The following TICRR variants were observed in gnomAD, a reference collection of about 807,000 sequenced individuals.
The protein encoded by TICRR is TOPBP1 interacting checkpoint and replication regulator.
In TICRR, 132 loss-of-function variants were observed where a neutral mutation model predicts 178.1. The observed-to-expected ratio is 0.74, with a 90% CI of 0.64 to 0.86. The LOEUF (loss-of-function observed/expected upper bound fraction) is 0.86. Ranked by LOEUF, TICRR falls within the 40% of genes least tolerant of loss-of-function variation. The probability of loss-of-function intolerance (pLI) is 0.00; values close to 1 mark genes in which losing one functional copy is unlikely to be tolerated. For missense variants in TICRR, 2,587 were observed against 2,334.3 expected, an observed-to-expected ratio of 1.11 and a Z score of -2.23; for synonymous variants, 991 against 900.7, an observed-to-expected ratio of 1.10 and a Z score of -1.79.
Position 89,601,380 on chromosome 15 carries a change from G to A in TICRR, c.2236G>A (p.Val746Ile). ...INESTDDMEQ[V>I]VEEVTDLLRM... is the part of the protein sequence containing the mutation. ...TGAAAGTACAGATGATATGGAACAA[G>A]TAGTGGAGGAGGCAAGTATATAGTT... Residue 746 changes from valine to isoleucine, a missense_variant, in exon 10 of 22, where the codon GTA becomes ATA. Transcript: ENST00000268138. 1 of 1,614,164 alleles carries A rather than the reference G, an allele frequency of 6.2e-7. No individual in the cohort carries two copies. Among genetic ancestry groups the A allele is most frequent in the Non-Finnish European group, 8.5e-7 (1 of 1,180,000 alleles).
Position 89,627,435 on chromosome 15 carries a change from C to T in TICRR, c.*349C>T, listed in dbSNP as rs561268865. 2.9e-4 allele frequency: 76 copies of T among 258,228 alleles called. No homozygotes were observed. Among genetic ancestry groups the T allele is most frequent in the Admixed American group, 1.1e-3 (22 of 20,210 alleles). 16.0% of individuals were successfully genotyped at this position (258,228 alleles called of 1,614,324 possible). On this transcript the variant is annotated 3_prime_UTR_variant, in exon 22 of 22. Transcript: ENST00000268138. ...CCTCATTTATGCAAATGGAGAAAGG[C>T]GCCCTCCCTGGGGTCCCTTGAGCTG...
At chr15:89,614,214 T>C (rs531416232) in intron 15 of TICRR, among the ~76,000 whole-genome samples, 2 of 152,302 alleles carry the variant, frequency 1.3e-5, no homozygotes, top group East Asian at 3.9e-4. Flanking sequence ...TGTCTGGACT[T>C]TCTCAGGGAC....
In TICRR at chr15:89,575,927, A is replaced by T; in HGVS notation, c.341A>T (p.Asp114Val). The T allele has an allele frequency of 6.3e-7, 1 of 1,594,486 alleles. No individual in the cohort carries two copies. Among genetic ancestry groups the T allele is most frequent in the Non-Finnish European group, 8.5e-7 (1 of 1,172,526 alleles). The stretch of plus-strand genomic sequence containing the variant: ...GAGACGCTGCTAGACTACCAGTGGG[A>T]CCGGCCCGAGATCACGTCGCCCACG... ...LMETLLDYQWDRPEITSPTKP... is the reference protein window; with the variant it reads ...LMETLLDYQWVRPEITSPTKP... Residue 114 changes from aspartate to valine, a missense_variant, in exon 1 of 22, where the codon GAC becomes GTC. By Grantham distance (152) the Asp-to-Val change is radical. Transcript: ENST00000268138.
intron 15 of TICRR, among the ~76,000 whole-genome samples, chr15:89,613,774 C>G (rs1199398315): frequency 1.2e-5 from 1 of 80,766 alleles, no homozygotes. Flanking sequence ...TTGATATTCT[C>G]TGTTTGGCAA....
chr15:89,624,692 C>T lies in TICRR; in HGVS notation c.4382C>T (p.Thr1461Ile). The T allele has an allele frequency of 3.1e-6, 5 of 1,614,138 alleles. No individual in the cohort carries two copies. Among genetic ancestry groups the T allele is most frequent in the Non-Finnish European group, 4.2e-6 (5 of 1,180,034 alleles). ...TCTCCTCTGCTCATTACAAGTGACACAGAGCATGTCACTCTCCTCAGTGAA... is the reference window on the plus strand; with the variant it reads ...TCTCCTCTGCTCATTACAAGTGACATAGAGCATGTCACTCTCCTCAGTGAA... The part of the protein sequence containing the change: ...ASSPLLITSD[T>I]EHVTLLSEAE... Residue 1461 changes from threonine (T) to isoleucine (I), a missense_variant, in exon 20 of 22, where the codon ACA becomes ATA. Coordinates refer to ENST00000268138, the MANE Select transcript of TICRR (RefSeq NM_152259.4).
rs1457498752 is a variant in TICRR at position 89,625,731 on chromosome 15, A to C, written c.5421A>C (p.Pro1807=). Residue 1807 remains proline, a synonymous_variant, in exon 20 of 22, where the codon CCA becomes CCC. Transcript: ENST00000268138. Reference sequence around the variant, plus strand: ...TTAGTAAGAGTAAAGAGGGGTCTCCAAGTTGGAGTGCATGGCAGCTACCCT... The same window carrying C: ...TTAGTAAGAGTAAAGAGGGGTCTCCCAGTTGGAGTGCATGGCAGCTACCCT... The part of the protein sequence containing the change: ...SEVSKSKEGS[P]SWSAWQLPST... The C allele has an allele frequency of 5.6e-6, 9 of 1,613,090 alleles. No individual in the cohort carries two copies. The African/African-American group carries it at 9.3e-5, about 17-fold the overall frequency.
At chr15:89,614,228 T>A (rs1963299871) in intron 15 of TICRR, among the ~76,000 whole-genome samples, 1 of 152,164 alleles carries the variant, frequency 6.6e-6, no homozygotes, top group Admixed American at 6.5e-5. Context: ...CAGGGACAGA[T>A]TCTGTTGGCT....
chr15:89,578,231 T>C (rs936043164), intron 1 of TICRR, among the ~76,000 whole-genome samples: 4 of 152,176 alleles, frequency 2.6e-5, no homozygotes, highest in Non-Finnish European at 4.4e-5. Context: ...TGGAAATACA[T>C]GTCACTAACC....
intron 1 of TICRR, among the ~76,000 whole-genome samples, chr15:89,580,885 A>G (rs1054709078): frequency 6.6e-6 from 1 of 152,158 alleles, no homozygotes; most frequent in Admixed American, 6.5e-5. Flanking sequence ...TACAAAAGTT[A>G]GCCAGGTGTG....
chr15:89,590,203 G>T (rs1439120272), intron 4 of TICRR, among the ~76,000 whole-genome samples: 3 of 152,068 alleles, frequency 2.0e-5, no homozygotes, highest in Non-Finnish European at 4.4e-5. Context: ...AAGAATACGG[G>T]TTGAAAGGAC....
chr15:89,592,942 CAG>C (rs2141959333), intron 5 of TICRR, among the ~76,000 whole-genome samples: 1 of 152,312 alleles, frequency 6.6e-6, no homozygotes, highest in South Asian at 2.1e-4. Flanking sequence ...GATTTCTAGA[CAG>C]AATACAGTCC....
chr15:89,585,927 G>A lies in TICRR; in HGVS notation c.1396G>A (p.Asp466Asn). The A allele has an allele frequency of 6.2e-7, 1 of 1,613,952 alleles. No homozygotes were observed. Among genetic ancestry groups the A allele is most frequent in the Non-Finnish European group, 8.5e-7 (1 of 1,179,844 alleles). ...ILNQTHDSLA[D>N]TASAASPVPE... ...GAATCAGACTCATGATTCGCTTGCAGATACTGCTTCTGCTGGTAAGCTCCT... is the reference window on the plus strand; with the variant it reads ...GAATCAGACTCATGATTCGCTTGCAAATACTGCTTCTGCTGGTAAGCTCCT... The change falls in exon 4 of 22, where the codon GAT becomes AAT. Residue 466 changes from aspartate (D) to asparagine (N), a missense_variant. Coordinates refer to ENST00000268138, the MANE Select transcript of TICRR (RefSeq NM_152259.4).
Position 89,606,758 on chromosome 15 carries a change from C to A in TICRR, c.2665-10C>A. The A allele has an allele frequency of 6.2e-7, 1 of 1,613,158 alleles. No individual in the cohort carries two copies. Among genetic ancestry groups the A allele is most frequent in the Non-Finnish European group, 8.5e-7 (1 of 1,179,368 alleles). On this transcript the variant is annotated splice_polypyrimidine_tract_variant and intron_variant, in intron 13 of 21. Coordinates refer to ENST00000268138, the MANE Select transcript of TICRR (RefSeq NM_152259.4). ...TTTAAATTTTCTTTCTGGATTTTCT[C>A]ATGTTTCAGGAGAACTCTCACCCTG... is the stretch of plus-strand genomic sequence containing the variant.
intron 14 of TICRR, among the ~76,000 whole-genome samples, chr15:89,607,030 T>C (rs1963185698): frequency 3.3e-5 from 5 of 151,980 alleles, no homozygotes; most frequent in Admixed American, 3.3e-4. Flanking sequence ...CTGAAATCTT[T>C]AAAAACAAAA....
rs1422644495 is a variant in TICRR, at chr15:89,616,508, C to G, written c.2960+13C>G. The G allele has an allele frequency of 6.2e-7, 1 of 1,611,702 alleles. No individual in the cohort carries two copies. Among genetic ancestry groups the G allele is most frequent in the East Asian group, 2.2e-5 (1 of 44,870 alleles). On this transcript the variant is annotated intron_variant, in intron 16 of 21. Transcript: ENST00000268138. The stretch of plus-strand genomic sequence containing the variant: ...AAATCAAGGGCAGGTGAGTGACATC[C>G]CCATCCGGGCTTCTTCATACACCCA...
chr15:89,615,422 G>A (rs1051478759), intron 15 of TICRR, among the ~76,000 whole-genome samples: 4 of 152,172 alleles, frequency 2.6e-5, no homozygotes, highest in South Asian at 2.1e-4. Flanking sequence ...TAAAGCTACC[G>A]TAGGGCTAGG....
At chr15:89,608,487 G>C in intron 14 of TICRR, among the ~76,000 whole-genome samples, 1 of 152,232 alleles carries the variant, frequency 6.6e-6, no homozygotes, top group East Asian at 1.9e-4. Context: ...AGGGTACCAA[G>C]ACAATTTGAT....
chr15:89,583,306 C>A (rs935151185), intron 2 of TICRR, among the ~76,000 whole-genome samples: 3 of 152,078 alleles, frequency 2.0e-5, no homozygotes, highest in Admixed American at 6.6e-5. Context: ...AATTGAAGAC[C>A]ATAGAGAAAC....
In TICRR at chr15:89,601,907, G is replaced by C. The variant is rs764181034; in HGVS notation, c.2498G>C (p.Arg833Thr). 6.2e-7 allele frequency: 1 copy of C among 1,614,020 alleles called. No homozygotes were observed. The highest frequency in any genetic ancestry group is 1.3e-5 in the African/African-American group (1 of 74,928). ...GTGCCTTTTTTGTCAAGTGCTCGTAGATCAGTGTCAGGCAGCCCTGAATCT... is the reference window on the plus strand; with the variant it reads ...GTGCCTTTTTTGTCAAGTGCTCGTACATCAGTGTCAGGCAGCCCTGAATCT... ...LSVPFLSSAR[R>T]SVSGSPESDE... Residue 833 changes from arginine to threonine, a missense_variant, in exon 12 of 22, where the codon AGA becomes ACA. Transcript: ENST00000268138.
Sources: gnomAD v4.1 joint callset for allele counts (sites outside exome capture counted in the v4.1 genomes callset) on GRCh38, gnomAD v4.1.1 for gene constraint, MANE v1.5 for transcripts, NCBI Gene and HGNC (gene_info 2026-07-23, HGNC 2026-07-21) for gene names.